Variants in MSRA observed in about 807,000 individuals in gnomAD.
MSRA encodes methionine sulfoxide reductase A.
A neutral mutation model predicts 31.3 loss-of-function variants in MSRA; 54 were observed. The observed-to-expected ratio is 1.73, with a 90% CI of 1.39 to 2.17. The LOEUF is 2.17. Among genes scored for constraint, MSRA ranks in the 30% most tolerant of loss-of-function variants. The probability of loss-of-function intolerance (pLI) is 0.00; values close to 1 mark genes in which losing one functional copy is unlikely to be tolerated. For synonymous variants in MSRA, 169 were observed against 116.5 expected (o/e 1.45, Z -2.90); for missense variants, 507 against 300.9 (o/e 1.69, Z -5.07).
chr8:10,246,893 A>C (rs1797650276), intron 3 of MSRA, among the ~76,000 whole-genome samples: 1 of 152,200 alleles, frequency 6.6e-6, no homozygotes, highest in African/African-American at 2.4e-5. Flanking sequence ...TGAATCCTGG[A>C]GATCACCCAG....
intron 1 of MSRA, among the ~76,000 whole-genome samples, chr8:10,088,620 C>G (rs1410106708): frequency 1.3e-5 from 2 of 152,092 alleles, no homozygotes; most frequent in Non-Finnish European, 2.9e-5. Flanking sequence ...CTTGCAGTCC[C>G]AGCTACTCTG....
At chr8:10,416,378 C>T (rs977076639) in intron 5 of MSRA, among the ~76,000 whole-genome samples, 1 of 152,230 alleles carries the variant, frequency 6.6e-6, no homozygotes, top group African/African-American at 2.4e-5. Flanking sequence ...ACACCCCATG[C>T]CCGGGAAAGC....
chr8:10,070,442 T>C (rs1797672059), intron 1 of MSRA, among the ~76,000 whole-genome samples: 1 of 152,224 alleles, frequency 6.6e-6, no homozygotes, highest in African/African-American at 2.4e-5. Flanking sequence ...TTTGAGATAA[T>C]GTTAGATTTA....
At chr8:10,283,691 G>GT (rs1005376898) in intron 3 of MSRA, among the ~76,000 whole-genome samples, 20 of 148,420 alleles carry the variant, frequency 1.3e-4, no homozygotes, top group East Asian at 6.0e-4. Flanking sequence ...AACATACAAT[G>GT]TTTTTTTTTC....
intron 1 of MSRA, among the ~76,000 whole-genome samples, chr8:10,155,132 C>G (rs914756541): frequency 6.6e-6 from 1 of 151,936 alleles, no homozygotes; most frequent in East Asian, 1.9e-4. Flanking sequence ...TATACTCACA[C>G]CACATATAGT....
intron 3 of MSRA, among the ~76,000 whole-genome samples, chr8:10,272,599 C>A (rs1374579037): frequency 6.6e-6 from 1 of 152,144 alleles, no homozygotes; most frequent in Non-Finnish European, 1.5e-5. Context: ...ACAGGGACAC[C>A]CAGAATAATA....
chr8:10,270,475 T>C (rs1200530098), intron 3 of MSRA, among the ~76,000 whole-genome samples: 6 of 151,892 alleles, frequency 4.0e-5, no homozygotes, highest in Admixed American at 1.3e-4. Flanking sequence ...AATCCAAGTT[T>C]AGTAATACAA....
intron 1 of MSRA, among the ~76,000 whole-genome samples, chr8:10,169,724 GT>G (rs1805437500): frequency 6.6e-6 from 1 of 152,142 alleles, no homozygotes; most frequent in Non-Finnish European, 1.5e-5. Context: ...TGATGCTATT[GT>G]AAATGATACC....
chr8:10,256,807 T>C (rs1171420714), intron 3 of MSRA, among the ~76,000 whole-genome samples: 3 of 152,126 alleles, frequency 2.0e-5, no homozygotes, highest in Admixed American at 6.5e-5. Context: ...ACCCCCTGAG[T>C]TTCAGCCCAG....
chr8:10,387,802 A>C (rs1413234584), intron 5 of MSRA, among the ~76,000 whole-genome samples: 1 of 152,210 alleles, frequency 6.6e-6, no homozygotes, highest in Non-Finnish European at 1.5e-5. Context: ...AGGGGCTCTT[A>C]AGACAATTGC....
chr8:10,378,842 C>T (rs2129173378), intron 5 of MSRA, among the ~76,000 whole-genome samples: 1 of 152,352 alleles, frequency 6.6e-6, no homozygotes, highest in East Asian at 1.9e-4. Context: ...AGAGCCACTG[C>T]ATCAGACTAA....
chr8:10,332,161 A>G (rs1802739307), intron 5 of MSRA, among the ~76,000 whole-genome samples: 2 of 152,184 alleles, frequency 1.3e-5, no homozygotes. Flanking sequence ...TGCTAGAAGC[A>G]TCCCTTCTCG....
intron 4 of MSRA, among the ~76,000 whole-genome samples, chr8:10,314,022 T>A (rs1801580721): frequency 6.6e-6 from 1 of 152,228 alleles, no homozygotes; most frequent in Non-Finnish European, 1.5e-5. Context: ...GTAGATTGAA[T>A]ACATAAATGT....
intron 3 of MSRA, among the ~76,000 whole-genome samples, chr8:10,297,280 G>A (rs1472975522): frequency 6.6e-6 from 1 of 152,154 alleles, no homozygotes; most frequent in Non-Finnish European, 1.5e-5. Flanking sequence ...GGGCTGTGGG[G>A]TAAGGCAGTG....
At chr8:10,128,500 G>A (rs945522463) in intron 1 of MSRA, among the ~76,000 whole-genome samples, 14 of 152,082 alleles carry the variant, frequency 9.2e-5, no homozygotes, top group East Asian at 1.9e-4. Context: ...TAGGATATTC[G>A]AAATTCTGTG....
chr8:10,079,380 C>T (rs1018007152), intron 1 of MSRA, among the ~76,000 whole-genome samples: 6 of 152,074 alleles, frequency 3.9e-5, no homozygotes, highest in African/African-American at 1.4e-4. Flanking sequence ...GTCTCGAACT[C>T]GTGGGCTCAA....
intron 1 of MSRA, among the ~76,000 whole-genome samples, chr8:10,136,578 C>G (rs1199272034): frequency 6.6e-6 from 1 of 152,228 alleles, no homozygotes; most frequent in Non-Finnish European, 1.5e-5. Context: ...TGAAAAATCA[C>G]AAGTGTGGGC....
At chr8:10,281,384 T>G (rs753480905) in intron 3 of MSRA, among the ~76,000 whole-genome samples, 7 of 152,106 alleles carry the variant, frequency 4.6e-5, no homozygotes, top group Non-Finnish European at 1.0e-4. Flanking sequence ...TTAATGAAAA[T>G]GAATGGAGAA....
chr8:10,319,731 G>A (rs1801933722), intron 4 of MSRA, 152 bp from the exon 5 acceptor site: 1 of 423,568 alleles, frequency 2.4e-6, no homozygotes, highest in Non-Finnish European at 4.2e-6. Flanking sequence ...TAAAGAAAAT[G>A]CTGTAAACAG....
Sources: allele counts gnomAD v4.1 joint callset (sites outside exome capture counted in the v4.1 genomes callset), GRCh38; gene constraint gnomAD v4.1.1; transcripts MANE v1.5; gene names NCBI Gene and HGNC (gene_info 2026-07-23, HGNC 2026-07-21).